The following BMPER variants were observed in gnomAD, a reference collection of about 807,000 sequenced individuals.
The protein encoded by BMPER is BMP binding endothelial regulator.
In BMPER, 45 loss-of-function variants were observed where a neutral mutation model predicts 87.3. That is an observed-to-expected ratio of 0.52 (90% confidence interval 0.41 to 0.66). BMPER has a LOEUF of 0.66. Among genes scored for constraint, BMPER ranks in the 30% least tolerant of loss-of-function variants. The pLI, the probability that BMPER is intolerant of heterozygous loss-of-function variation, is 0.00. For synonymous variants in BMPER, 326 were observed against 316.2 expected (o/e 1.03, Z -0.33); for missense variants, 784 against 867.5 (o/e 0.90, Z 1.21).
Position 34,079,194 on chromosome 7 carries a change from G to A in BMPER, c.1408+8G>A, listed in dbSNP as rs745322842. 7 of 1,613,378 alleles carry A rather than the reference G, an allele frequency of 4.3e-6. No homozygotes were observed. Among genetic ancestry groups the A allele is most frequent in the East Asian group, 2.2e-5 (1 of 44,876 alleles). On this transcript the variant is annotated splice_region_variant and intron_variant, in intron 12 of 14. Coordinates refer to ENST00000649409, the MANE Select transcript of BMPER (RefSeq NM_001365308.1). Reference sequence around the variant, plus strand: ...AAGTGACCACCAAAGCAGGTGGGGCGTCTGTGGCCTCCCTCTTGCTCTAGC... The same window carrying A: ...AAGTGACCACCAAAGCAGGTGGGGCATCTGTGGCCTCCCTCTTGCTCTAGC...
At chr7:33,911,089 C>T (rs1317930052) in intron 2 of BMPER, among the ~76,000 whole-genome samples, 2 of 152,178 alleles carry the variant, frequency 1.3e-5, no homozygotes, top group African/African-American at 4.8e-5. Context: ...GATTGCCTTG[C>T]TTTTTCCAAG....
At chr7:34,009,170 G>C (rs561828139) in intron 6 of BMPER, among the ~76,000 whole-genome samples, 2 of 151,894 alleles carry the variant, frequency 1.3e-5, no homozygotes, top group Non-Finnish European at 1.5e-5. Flanking sequence ...CTCCCAAGTA[G>C]CTGGGACTAC....
intron 6 of BMPER, among the ~76,000 whole-genome samples, chr7:34,030,746 C>T (rs1460687652): frequency 1.3e-5 from 2 of 151,928 alleles, no homozygotes; most frequent in East Asian, 1.9e-4. Flanking sequence ...CCTGAGGCTA[C>T]AGGCACTGCC....
intron 13 of BMPER, among the ~76,000 whole-genome samples, chr7:34,110,579 A>G (rs1249954444): frequency 6.6e-6 from 1 of 152,142 alleles, no homozygotes; most frequent in Non-Finnish European, 1.5e-5. Flanking sequence ...TTCAGACTTT[A>G]TATACTGTGT....
At chr7:34,028,493 T>C (rs989738155) in intron 6 of BMPER, among the ~76,000 whole-genome samples, 1 of 151,468 alleles carries the variant, frequency 6.6e-6, no homozygotes, top group Non-Finnish European at 1.5e-5. Context: ...AAAGGGATCC[T>C]GAGATTAGAA....
chr7:33,936,496 C>T (rs911299197), intron 2 of BMPER, among the ~76,000 whole-genome samples: 2 of 152,210 alleles, frequency 1.3e-5, no homozygotes, highest in African/African-American at 4.8e-5. Flanking sequence ...AAAGCCACAT[C>T]AGCTAGCATG....
chr7:34,120,555 C>T lies in BMPER; in HGVS notation c.1746-22675C>T, dbSNP rs573242104. On this transcript the variant is annotated intron_variant, in intron 13 of 14. Transcript: ENST00000649409. ...CTGGAATTACAGGCGTGCACCATCA[C>T]GCCCGGCTAATTTTGTGTTTTTCGT... Among the ~76,000 whole-genome samples, 14 of 152,228 alleles carry T rather than the reference C, an allele frequency of 9.2e-5. No individual in the cohort carries two copies. In the South Asian group the frequency reaches 2.1e-3, roughly 23 times the overall value.
At chr7:34,109,766 T>C (rs1274025278) in intron 13 of BMPER, among the ~76,000 whole-genome samples, 1 of 152,230 alleles carries the variant, frequency 6.6e-6, no homozygotes, top group Non-Finnish European at 1.5e-5. Context: ...TTTGAGAAAT[T>C]CATTTTCTTT....
Position 33,910,976 on chromosome 7 carries a change from C to G in BMPER, c.219+4073C>G, listed in dbSNP as rs80259533. Among the ~76,000 whole-genome samples, 1,415 of 152,234 alleles carry G rather than the reference C, an allele frequency of 9.3e-3. 20 individuals are homozygous for G. Among genetic ancestry groups the G allele is most frequent in the African/African-American group, 0.033 (1,353 of 41,528 alleles). On this transcript the variant is annotated intron_variant, in intron 2 of 14. Transcript: ENST00000649409. ...AGGGAGATAACATTGCATGAGGATT[C>G]AATTCATGTGTGTATGCACGTGTGA...
chr7:33,944,996 C>T (rs1009354619), intron 3 of BMPER, among the ~76,000 whole-genome samples: 10 of 152,134 alleles, frequency 6.6e-5, no homozygotes, highest in Admixed American at 2.0e-4. Flanking sequence ...GGCTGGAGTG[C>T]AGTGGCACGA....
At chr7:33,966,908 G>A (rs1033588074) in intron 4 of BMPER, among the ~76,000 whole-genome samples, 2 of 152,200 alleles carry the variant, frequency 1.3e-5, no homozygotes, top group Non-Finnish European at 2.9e-5. Context: ...AGCAGAAAGC[G>A]GGTATTGTTA....
intron 9 of BMPER, among the ~76,000 whole-genome samples, chr7:34,057,358 T>C (rs1280694074): frequency 6.6e-6 from 1 of 152,200 alleles, no homozygotes; most frequent in Admixed American, 6.5e-5. Flanking sequence ...TGAAAGAAAT[T>C]CCTCAAATAG....
intron 8 of BMPER, among the ~76,000 whole-genome samples, chr7:34,053,482 A>T (rs1458996239): frequency 6.6e-6 from 1 of 151,860 alleles, no homozygotes; most frequent in Non-Finnish European, 1.5e-5. Context: ...CTAATTTTTG[A>T]CTCCTTATAG....
intron 6 of BMPER, among the ~76,000 whole-genome samples, chr7:34,037,465 G>C (rs1787710942): frequency 6.6e-6 from 1 of 152,052 alleles, no homozygotes; most frequent in Non-Finnish European, 1.5e-5. Flanking sequence ...ACCGGTTGAG[G>C]CATTTTTCTG....
At chr7:33,951,745 T>G (rs780352484) in intron 3 of BMPER, among the ~76,000 whole-genome samples, 3 of 152,192 alleles carry the variant, frequency 2.0e-5, no homozygotes, top group Non-Finnish European at 4.4e-5. Flanking sequence ...TCAATCTTCC[T>G]AGTTCAGCAT....
intron 2 of BMPER, among the ~76,000 whole-genome samples, chr7:33,914,262 G>A (rs1274009124): frequency 1.3e-5 from 2 of 152,138 alleles, no homozygotes; most frequent in Non-Finnish European, 2.9e-5. Context: ...ACCGCGCCCG[G>A]CCTTCAGCAC....
At chr7:34,083,791 C>G (rs910496132) in intron 12 of BMPER, among the ~76,000 whole-genome samples, 64 of 152,182 alleles carry the variant, frequency 4.2e-4, no homozygotes, top group African/African-American at 1.5e-3. Flanking sequence ...TCCTCTCTCT[C>G]TCTCTCTCCT....
chr7:33,990,400 G>A (rs1481905492), intron 6 of BMPER, among the ~76,000 whole-genome samples: 1 of 138,608 alleles, frequency 7.2e-6, no homozygotes, highest in African/African-American at 2.7e-5. Flanking sequence ...GTTCACTCAT[G>A]ATTTGGCTCT....
intron 6 of BMPER, among the ~76,000 whole-genome samples, chr7:33,988,612 T>C (rs936405563): frequency 3.9e-5 from 6 of 152,134 alleles, no homozygotes; most frequent in African/African-American, 1.4e-4. Flanking sequence ...TTTATTTTTT[T>C]TTAATTATTT....
Sources: allele counts gnomAD v4.1 joint callset (sites outside exome capture counted in the v4.1 genomes callset), GRCh38; gene constraint gnomAD v4.1.1; transcripts MANE v1.5; gene names NCBI Gene and HGNC (gene_info 2026-07-23, HGNC 2026-07-21).